The following POU2F2 variants were observed in gnomAD, a reference collection of about 807,000 sequenced individuals.
The protein encoded by POU2F2 is POU domain, class 2, transcription factor 2.
A neutral mutation model predicts 63.5 loss-of-function variants in POU2F2; 14 were observed. That is an observed-to-expected ratio of 0.22 (90% confidence interval 0.15 to 0.34). POU2F2 has a LOEUF of 0.34. Among genes scored for constraint, POU2F2 ranks in the 10% least tolerant of loss-of-function variants. The pLI, the probability that POU2F2 is intolerant of heterozygous loss-of-function variation, is 1.00. For synonymous variants in POU2F2, 306 were observed against 348.6 expected, an observed-to-expected ratio of 0.88 and a Z score of 1.36; for missense variants, 607 against 815.2, an observed-to-expected ratio of 0.74 and a Z score of 3.11.
At chr19:42,195,043 GAGGA>G (rs1568430793) in intron 1 of POU2F2, among the ~76,000 whole-genome samples, 2 of 70,616 alleles carry the variant, frequency 2.8e-5, no homozygotes, top group Non-Finnish European at 5.7e-5. Context: ...GGGAGGGAGG[GAGGA>G]AGGAAGGGAG....
Position 42,091,314 on chromosome 19 carries a change from C to A in POU2F2, c.1818G>T (p.Thr606=). 1.3e-6 allele frequency: 2 copies of A among 1,534,432 alleles called. No homozygotes were observed. The highest frequency in any genetic ancestry group is 3.9e-5 in the Admixed American group (2 of 50,968). ...SSSSSSTCSE[T]AAQTPGGPGG... ...CTGGACCTCCAGGGGTCTGTGCTGC[C>A]GTCTCGCTGCAAGTGGAGGAGGAGG... is the stretch of plus-strand genomic sequence containing the variant. Residue 606 remains threonine (T), a synonymous_variant, in exon 15 of 15, where the codon ACG becomes ACT. Coordinates refer to ENST00000692977, the MANE Select transcript of POU2F2 (RefSeq NM_001394376.1).
In POU2F2 at chr19:42,169,745, CGTGTGTG is replaced by C. The variant is rs1568422368; in HGVS notation, c.-70+6211_-70+6217del. ...AGTTTGGCGAATGAGTGCGCGCACACGTGTGTGTGTGCGTGTGTGTGTGTGTCGGGGT... is the reference window on the plus strand; with the variant it reads ...AGTTTGGCGAATGAGTGCGCGCACACTGTGCGTGTGTGTGTGTGTCGGGGT... On this transcript the variant is annotated intron_variant, in intron 1 of 6. Transcript: ENST00000524801. The surrounding 1 kb of genome is among the most constrained non-coding windows in gnomAD (Gnocchi z 4.3). Among the ~76,000 whole-genome samples the C allele has an allele frequency of 2.0e-5, 3 of 151,986 alleles. No homozygotes were observed. Among genetic ancestry groups the C allele is most frequent in the Non-Finnish European group, 4.4e-5 (3 of 67,986 alleles).
chr19:42,093,992 G>A, intron 11 of POU2F2, 97 bp from the exon 12 acceptor site: 2 of 1,025,068 alleles, frequency 2.0e-6, no homozygotes, highest in East Asian at 2.6e-5. Flanking sequence ...CAGGATGGGG[G>A]CAGGGGGCTT....
At chr19:42,131,695 T>A (rs936569247) in intron 1 of POU2F2, among the ~76,000 whole-genome samples, 1 of 151,992 alleles carries the variant, frequency 6.6e-6, no homozygotes, top group Admixed American at 6.5e-5. Flanking sequence ...AACAAACACA[T>A]AATGAAATTC....
At chr19:42,111,374 A>AT (rs1201364405) in intron 5 of POU2F2, among the ~76,000 whole-genome samples, 1 of 151,942 alleles carries the variant, frequency 6.6e-6, no homozygotes, top group African/African-American at 2.4e-5. Context: ...TTGGCCTCCT[A>AT]AAGTGTTGGG....
intron 1 of POU2F2, among the ~76,000 whole-genome samples, chr19:42,160,978 T>C (rs2034541816): frequency 6.6e-6 from 1 of 152,214 alleles, no homozygotes; most frequent in African/African-American, 2.4e-5. Flanking sequence ...TCAACAAATA[T>C]TGAGATTTCT....
chr19:42,098,961 A>G (rs1162121747), intron 7 of POU2F2, among the ~76,000 whole-genome samples: 2 of 152,318 alleles, frequency 1.3e-5, no homozygotes, highest in East Asian at 3.9e-4. Flanking sequence ...GCGCCAAGCC[A>G]CCACGTAGAC....
At chr19:42,112,896 C>T (rs1159733767) in intron 5 of POU2F2, among the ~76,000 whole-genome samples, 5 of 152,150 alleles carry the variant, frequency 3.3e-5, no homozygotes, top group Non-Finnish European at 7.4e-5. Flanking sequence ...CCTATTTGTG[C>T]GGCTACAGCC....
chr19:42,196,166 C>T (rs1156788001), intron 1 of POU2F2, among the ~76,000 whole-genome samples: 1 of 152,186 alleles, frequency 6.6e-6, no homozygotes, highest in Non-Finnish European at 1.5e-5. Flanking sequence ...CCCGCTGTGT[C>T]CACATCATCA....
Position 42,122,595 on chromosome 19 carries a change from T to C in POU2F2, c.29-19A>G. On this transcript the variant is annotated intron_variant, in intron 1 of 14. Coordinates refer to ENST00000692977, the MANE Select transcript of POU2F2 (RefSeq NM_001394376.1). ...CTTATTTCTGGGGACAGAGGAGGAA[T>C]GGAAGTGGGGTGAAGGAGGGGAATC... is the stretch of plus-strand genomic sequence containing the variant. The C allele has an allele frequency of 6.4e-7, 1 of 1,550,586 alleles. No individual in the cohort carries two copies. Among genetic ancestry groups the C allele is most frequent in the Non-Finnish European group, 8.7e-7 (1 of 1,144,990 alleles).
At position 42,086,134 on chromosome 19, in the gene POU2F2, A is replaced by T. The variant is rs1411303853; in HGVS notation, c.*5123T>A. The stretch of plus-strand genomic sequence containing the variant: ...ATCATTTCTCTCTGTACAGTTTTTA[A>T]TTTTTTATTTTTTGATGTTTGTTGT... On this transcript the variant is annotated 3_prime_UTR_variant, in exon 15 of 15. Transcript: ENST00000692977. 6.6e-6 allele frequency: 1 copy of T among 152,016 alleles called. No homozygotes were observed. Among genetic ancestry groups the T allele is most frequent in the Non-Finnish European group, 1.5e-5 (1 of 68,004 alleles). 9.4% of individuals were successfully genotyped at this position (152,016 alleles called of 1,614,324 possible). A position where few individuals can be genotyped will look rare whatever the true frequency, so the allele number is the denominator to read the frequency against.
chr19:42,133,681 C>T (rs1334660808), upstream of POU2F2, among the ~76,000 whole-genome samples: 1 of 152,092 alleles, frequency 6.6e-6, no homozygotes, highest in Admixed American at 6.5e-5. The surrounding 1 kb of genome is among the most constrained non-coding windows in gnomAD (Gnocchi z 5.1). Context: ...TGTGCACAGG[C>T]CCCAACACCA....
chr19:42,141,675 T>C lies in POU2F2; in HGVS notation c.-9+18657A>G, dbSNP rs192986261. Among the ~76,000 whole-genome samples the C allele has an allele frequency of 1.8e-3, 269 of 152,052 alleles. 3 individuals carry two copies. Among genetic ancestry groups the C allele is most frequent in the African/African-American group, 6.1e-3 (255 of 41,484 alleles). ...TTTGTATTTTAGTAGAGACGGGGTTTCTCCATGTTGGTCAGGCTGGTCTCG... is the reference window on the plus strand; with the variant it reads ...TTTGTATTTTAGTAGAGACGGGGTTCCTCCATGTTGGTCAGGCTGGTCTCG... On this transcript the variant is annotated intron_variant, in intron 2 of 6. Transcript: ENST00000524801.
intron 1 of POU2F2, among the ~76,000 whole-genome samples, chr19:42,164,921 C>T (rs1394174841): frequency 6.6e-6 from 1 of 150,406 alleles, no homozygotes; most frequent in African/African-American, 2.5e-5. Flanking sequence ...GAGATCTCTC[C>T]ACTGCACTCC....
At chr19:42,181,909 C>G (rs577006143) in intron 1 of POU2F2, among the ~76,000 whole-genome samples, 2 of 152,138 alleles carry the variant, frequency 1.3e-5, no homozygotes, top group Non-Finnish European at 2.9e-5. Flanking sequence ...TAGATAGATG[C>G]ATTTGTTCAT....
chr19:42,134,665 A>T (rs1187991975), upstream of POU2F2: 1 of 152,772 alleles, frequency 6.5e-6, no homozygotes, highest in Non-Finnish European at 1.5e-5. Context: ...GCTAGGGAGC[A>T]GTGGGGGCCA....
chr19:42,122,296 T>G, intron 3 of POU2F2, 48 bp downstream of exon 3: 1 of 867,710 alleles, frequency 1.2e-6, no homozygotes, highest in Non-Finnish European at 1.6e-6. Context: ...TCTGAACCCC[T>G]CTCCCCATTC....
chr19:42,167,463 C>CAA (rs759561409), intron 1 of POU2F2, among the ~76,000 whole-genome samples: 1 of 121,128 alleles, frequency 8.3e-6, no homozygotes. Flanking sequence ...CCCCAAACTC[C>CAA]AAAAAAAAAA....
chr19:42,171,440 G>A (rs994608851), intron 1 of POU2F2, among the ~76,000 whole-genome samples: 1 of 128,896 alleles, frequency 7.8e-6, no homozygotes, highest in Admixed American at 8.5e-5. Context: ...TCGTGTGTGT[G>A]TGTGTGTGTG....
Sources: gnomAD v4.1 joint callset for allele counts (sites outside exome capture counted in the v4.1 genomes callset) on GRCh38, gnomAD v4.1.1 for gene constraint, Gnocchi (gnomAD v3.1) non-coding constraint, MANE v1.5 for transcripts, NCBI Gene and HGNC (gene_info 2026-07-23, HGNC 2026-07-21) for gene names.